The following VWA8 variants were observed in gnomAD, a reference collection of about 807,000 sequenced individuals.
VWA8 encodes the protein von Willebrand factor A domain-containing protein 8.
A neutral mutation model predicts 241.5 loss-of-function variants in VWA8; 221 were observed. The ratio of observed to expected loss-of-function variants is 0.91; its 90% CI spans 0.82 to 1.02. The LOEUF is 1.02. VWA8 is among the 50% of genes least tolerant of loss of function. VWA8 has a pLI of 0.00. For missense variants in VWA8, 2,322 were observed against 2,328.7 expected (o/e 1.00, Z 0.06); for synonymous variants, 852 against 827.1 (o/e 1.03, Z -0.52).
intron 14 of VWA8, among the ~76,000 whole-genome samples, chr13:41,824,163 T>C (rs1871081986): frequency 6.6e-6 from 1 of 152,150 alleles, no homozygotes; most frequent in Non-Finnish European, 1.5e-5. Flanking sequence ...TAGAGGAATG[T>C]CAGAGAAGGT....
rs2044546710 is a variant in VWA8 at position 41,605,291 on chromosome 13, G to A, written c.4878-15C>T. ...TCTCCTTTAGCCTGAAATCAGAAGAGTATAAAAAGTTAACAGCTTAAATCA... is the reference window on the plus strand; with the variant it reads ...TCTCCTTTAGCCTGAAATCAGAAGAATATAAAAAGTTAACAGCTTAAATCA... On this transcript the variant is annotated splice_polypyrimidine_tract_variant and intron_variant, in intron 39 of 44. Coordinates refer to ENST00000379310, the MANE Select transcript of VWA8 (RefSeq NM_015058.2). The A allele has an allele frequency of 7.4e-6, 12 of 1,611,102 alleles. No individual in the cohort carries two copies. Among genetic ancestry groups the A allele is most frequent in the Non-Finnish European group, 9.3e-6 (11 of 1,178,262 alleles).
At chr13:41,959,851 G>A (rs1350027926) in intron 1 of VWA8, among the ~76,000 whole-genome samples, 2 of 151,688 alleles carry the variant, frequency 1.3e-5, no homozygotes, top group Non-Finnish European at 2.9e-5. Context: ...CCCGTGATCC[G>A]CCCGCCTCAG....
chr13:41,949,629 A>C (rs73466990), intron 2 of VWA8, among the ~76,000 whole-genome samples: 4,206 of 152,264 alleles, frequency 0.028, 189 homozygotes, highest in African/African-American at 0.093. Flanking sequence ...TATAATTAAA[A>C]AAAAAAAAAG....
chr13:41,740,106 C>T (rs912801879), intron 21 of VWA8, among the ~76,000 whole-genome samples: 16 of 152,060 alleles, frequency 1.1e-4, no homozygotes, highest in African/African-American at 3.6e-4. Flanking sequence ...CTGCCCACCT[C>T]GGCCTCCCAA....
intron 14 of VWA8, among the ~76,000 whole-genome samples, chr13:41,820,167 T>TA (rs1352773978): frequency 6.6e-6 from 1 of 152,184 alleles, no homozygotes. Context: ...TGTCCATTTT[T>TA]ATCAATTCTA....
intron 13 of VWA8, among the ~76,000 whole-genome samples, chr13:41,830,997 T>C (rs1871428128): frequency 6.6e-6 from 1 of 152,190 alleles, no homozygotes; most frequent in South Asian, 2.1e-4. Flanking sequence ...ACTTACTCTC[T>C]TCGGTCTAAA....
chr13:41,879,667 G>GAA (rs376217780), intron 9 of VWA8, among the ~76,000 whole-genome samples: 7 of 142,092 alleles, frequency 4.9e-5, no homozygotes, highest in Middle Eastern at 3.6e-3. Flanking sequence ...TAACTGCTCT[G>GAA]AAAAAAAAAA....
At chr13:41,881,383 G>A (rs1453836918) in intron 9 of VWA8, among the ~76,000 whole-genome samples, 1 of 56,070 alleles carries the variant, frequency 1.8e-5, no homozygotes, top group Admixed American at 1.5e-4. Context: ...GGGGGGGGGG[G>A]GGGGGGGGTA....
At chr13:41,704,271 T>C (rs780624417) in intron 26 of VWA8, among the ~76,000 whole-genome samples, 24 of 152,234 alleles carry the variant, frequency 1.6e-4, no homozygotes, top group Non-Finnish European at 2.9e-4. Context: ...AGAGCATTAC[T>C]GGCATCCAGA....
chr13:41,787,171 G>C (rs1443581412), intron 18 of VWA8, among the ~76,000 whole-genome samples: 1 of 144,950 alleles, frequency 6.9e-6, no homozygotes, highest in Non-Finnish European at 1.5e-5. Context: ...AATTCTCAGA[G>C]TATCAATTAG....
chr13:41,570,785 C>A, intron 43 of VWA8, 79 bp from the exon 44 acceptor site: 1 of 1,197,974 alleles, frequency 8.3e-7, no homozygotes, highest in South Asian at 1.4e-5. Flanking sequence ...TTCTATTGAC[C>A]ATGAGCATGC....
At chr13:41,955,320 T>G (rs1185165183) in intron 1 of VWA8, among the ~76,000 whole-genome samples, 2 of 152,168 alleles carry the variant, frequency 1.3e-5, no homozygotes, top group African/African-American at 4.8e-5. Context: ...ACTATTGAAG[T>G]GTCTAAAGTG....
At chr13:41,947,455 TG>T (rs1211793803) in intron 2 of VWA8, among the ~76,000 whole-genome samples, 3 of 152,208 alleles carry the variant, frequency 2.0e-5, no homozygotes, top group African/African-American at 7.2e-5. Flanking sequence ...GACATGATTT[TG>T]GGCAAATAAT....
At chr13:41,828,904 C>T (rs1871294985) in intron 14 of VWA8, among the ~76,000 whole-genome samples, 2 of 151,840 alleles carry the variant, frequency 1.3e-5, no homozygotes, top group Non-Finnish European at 2.9e-5. Flanking sequence ...TCAGTCAAGT[C>T]TCACCATTGC....
At chr13:41,572,796 C>T (rs1253512209) in intron 43 of VWA8, among the ~76,000 whole-genome samples, 4 of 70,248 alleles carry the variant, frequency 5.7e-5, no homozygotes, top group Admixed American at 4.8e-4. Flanking sequence ...TCAATAAATA[C>T]TAAAAAAAAA....
intron 21 of VWA8, among the ~76,000 whole-genome samples, chr13:41,750,585 C>G (rs111536377): frequency 3.3e-5 from 5 of 152,056 alleles, no homozygotes; most frequent in South Asian, 2.1e-4. Flanking sequence ...TCAACTCTCA[C>G]AAAATATTTT....
chr13:41,730,224 C>A (rs2045471648), intron 22 of VWA8, among the ~76,000 whole-genome samples: 1 of 152,104 alleles, frequency 6.6e-6, no homozygotes. Flanking sequence ...AAATGAGTGA[C>A]TATGAACAGT....
intron 21 of VWA8, among the ~76,000 whole-genome samples, chr13:41,735,455 A>C (rs1243231455): frequency 5.3e-5 from 8 of 152,218 alleles, no homozygotes; most frequent in Admixed American, 5.2e-4. Context: ...AGGTTTGAGA[A>C]AACAAGCACA....
intron 17 of VWA8, 69 bp downstream of exon 17, chr13:41,811,156 A>C: frequency 7.7e-7 from 1 of 1,304,198 alleles, no homozygotes; most frequent in Non-Finnish European, 1.1e-6. Flanking sequence ...ATGCACCATC[A>C]GTTAAACTTA....
Sources: gnomAD v4.1 joint callset for allele counts (sites outside exome capture counted in the v4.1 genomes callset) on GRCh38, gnomAD v4.1.1 for gene constraint, MANE v1.5 for transcripts, NCBI Gene and HGNC (gene_info 2026-07-23, HGNC 2026-07-21) for gene names.